The following DLC1 variants were observed in gnomAD, a reference collection of about 807,000 sequenced individuals.
DLC1 encodes the protein rho GTPase-activating protein 7.
Under a neutral mutation model 140.3 loss-of-function variants are expected in DLC1, and 54 were observed. The ratio of observed to expected loss-of-function variants is 0.38; its 90% confidence interval spans 0.31 to 0.48. The LOEUF (loss-of-function observed/expected upper bound fraction) is 0.48. Among genes scored for constraint, DLC1 ranks in the 20% least tolerant of loss-of-function variants. The probability of loss-of-function intolerance (pLI) is 0.96; values close to 1 mark genes in which losing one functional copy is unlikely to be tolerated. For synonymous variants in DLC1, 986 were observed against 728.1 expected, an observed-to-expected ratio of 1.35 and a Z score of -5.70; for missense variants, 2,536 against 1,907.0, an observed-to-expected ratio of 1.33 and a Z score of -6.14.
At chr8:13,120,352 A>ATATATAT (rs199638260) in intron 5 of DLC1, among the ~76,000 whole-genome samples, 2 of 26,508 alleles carry the variant, frequency 7.5e-5, no homozygotes, top group African/African-American at 1.0e-4. Flanking sequence ...CAAAAAAAAA[A>ATATATAT]AAAAATATAT....
intron 1 of DLC1, among the ~76,000 whole-genome samples, chr8:13,595,020 GAA>G (rs561713576): frequency 6.8e-6 from 1 of 145,994 alleles, no homozygotes. Context: ...ATTGTTGTGA[GAA>G]AAAAAAAAGT....
At chr8:13,589,682 A>G (rs75824081) in intron 1 of DLC1, among the ~76,000 whole-genome samples, 2,633 of 96,776 alleles carry the variant, frequency 0.027, 84 homozygotes, top group East Asian at 0.21. Context: ...TCTATATAGA[A>G]TGCTCTGTTT....
chr8:13,508,696 G>A (rs1802223916), intron 1 of DLC1, among the ~76,000 whole-genome samples: 1 of 152,210 alleles, frequency 6.6e-6, no homozygotes, highest in African/African-American at 2.4e-5. Context: ...GGGATTACAG[G>A]CGTGAGCCAC....
intron 5 of DLC1, among the ~76,000 whole-genome samples, chr8:13,293,597 G>A (rs1457144248): frequency 2.0e-5 from 3 of 152,136 alleles, no homozygotes; most frequent in Non-Finnish European, 4.4e-5. Context: ...CATGCGGGGT[G>A]ACAAAAAACG....
At chr8:13,545,267 A>G (rs1803614133) in intron 1 of DLC1, among the ~76,000 whole-genome samples, 1 of 151,300 alleles carries the variant, frequency 6.6e-6, no homozygotes, top group Non-Finnish European at 1.5e-5. Flanking sequence ...ATGGAAAGGT[A>G]ATAGGGAGAG....
chr8:13,387,932 A>C (rs984397254), intron 4 of DLC1, among the ~76,000 whole-genome samples: 2 of 151,986 alleles, frequency 1.3e-5, no homozygotes, highest in African/African-American at 4.8e-5. Flanking sequence ...CTTCATGGGG[A>C]TTTGCACAGT....
At chr8:13,239,793 T>C (rs1383650645) in intron 5 of DLC1, among the ~76,000 whole-genome samples, 1 of 152,166 alleles carries the variant, frequency 6.6e-6, no homozygotes, top group Admixed American at 6.5e-5. Context: ...TGTCAAAATA[T>C]TGACTCCGGC....
chr8:13,110,610 G>T, intron 7 of DLC1, 132 bp downstream of exon 7: 1 of 808,156 alleles, frequency 1.2e-6, no homozygotes, highest in Non-Finnish European at 2.0e-6. Context: ...AAAGGTCTAT[G>T]ATCACTCTAT....
At chr8:13,348,953 G>A (rs1045642311) in intron 4 of DLC1, among the ~76,000 whole-genome samples, 2 of 152,150 alleles carry the variant, frequency 1.3e-5, no homozygotes, top group African/African-American at 4.8e-5. Flanking sequence ...AGAAATTGGA[G>A]GCAGCAGCCG....
intron 5 of DLC1, among the ~76,000 whole-genome samples, chr8:13,122,196 C>T (rs1004726761): frequency 4.6e-5 from 7 of 152,110 alleles, no homozygotes; most frequent in African/African-American, 1.7e-4. Flanking sequence ...AGTGACTTTC[C>T]ACCGCCTTTC....
intron 4 of DLC1, among the ~76,000 whole-genome samples, chr8:13,365,414 G>A (rs1250759485): frequency 6.6e-6 from 1 of 152,118 alleles, no homozygotes; most frequent in East Asian, 1.9e-4. Flanking sequence ...CAATTCACTT[G>A]CAGATACTAT....
chr8:13,293,377 TTATA>T (rs1387364556), intron 5 of DLC1, among the ~76,000 whole-genome samples: 1 of 152,126 alleles, frequency 6.6e-6, no homozygotes, highest in Non-Finnish European at 1.5e-5. Flanking sequence ...TGGCACTGAT[TTATA>T]AGAGTGAGGC....
At position 13,099,999 on chromosome 8, in the gene DLC1, C is replaced by G; in HGVS notation, c.2338G>C (p.Asp780His). ...TTAAATGTTGACTGATTGAAAGGAT[C>G]GAAGCCCTCTAAGTACATGCCCACC... ...KRVGMYLEGF[D>H]PFNQSTFNNV... Residue 780 changes from aspartate to histidine, a missense_variant, in exon 9 of 18, where the codon GAT becomes CAT. Coordinates refer to ENST00000276297, the MANE Select transcript of DLC1 (RefSeq NM_182643.3). 2.5e-6 allele frequency: 4 copies of G among 1,612,428 alleles called. No homozygotes were observed. The highest frequency in any genetic ancestry group is 2.5e-6 in the Non-Finnish European group (3 of 1,180,036).
chr8:13,394,544 G>C (rs1259895076), intron 3 of DLC1, among the ~76,000 whole-genome samples: 1 of 152,176 alleles, frequency 6.6e-6, no homozygotes, highest in African/African-American at 2.4e-5. Flanking sequence ...TGGTTGCACA[G>C]AGGAAAGGTG....
intron 1 of DLC1, among the ~76,000 whole-genome samples, chr8:13,544,187 CACACACACAA>C (rs1295517419): frequency 7.4e-6 from 1 of 134,902 alleles, no homozygotes; most frequent in Non-Finnish European, 1.6e-5. Flanking sequence ...TTCTCTCTTA[CACACACACAA>C]ACACACACAC....
chr8:13,557,035 G>A (rs1804072679), intron 1 of DLC1, among the ~76,000 whole-genome samples: 2 of 152,070 alleles, frequency 1.3e-5, no homozygotes, highest in Admixed American at 1.3e-4. Context: ...CATATTCAGG[G>A]GTCTGAAGGG....
rs114842947 is a variant in DLC1, at chr8:13,544,882, T to C, written c.-125-44686A>G. Among the ~76,000 whole-genome samples, 579 of 152,282 alleles carry C rather than the reference T, an allele frequency of 3.8e-3. 4 individuals carry two copies. The highest frequency in any genetic ancestry group is 0.013 in the African/African-American group (558 of 41,562). ...TATAATGCTGCTTAAATAAAGAATTTGATCTATCCGTGAACAGTTACCACT... is the reference window on the plus strand; with the variant it reads ...TATAATGCTGCTTAAATAAAGAATTCGATCTATCCGTGAACAGTTACCACT... On this transcript the variant is annotated intron_variant, in intron 1 of 1. Transcript: ENST00000631382.
chr8:13,211,465 A>C (rs1827940254), intron 5 of DLC1, among the ~76,000 whole-genome samples: 1 of 152,172 alleles, frequency 6.6e-6, no homozygotes, highest in Admixed American at 6.5e-5. Flanking sequence ...TCACACTTGC[A>C]TTCTCTCCTG....
At chr8:13,158,485 A>C (rs1030830660) in intron 5 of DLC1, among the ~76,000 whole-genome samples, 1 of 152,210 alleles carries the variant, frequency 6.6e-6, no homozygotes, top group Non-Finnish European at 1.5e-5. Flanking sequence ...CTTGTTAGAC[A>C]AGGCTGGCGA....
Sources: allele counts gnomAD v4.1 joint callset (sites outside exome capture counted in the v4.1 genomes callset), GRCh38; gene constraint gnomAD v4.1.1; transcripts MANE v1.5; gene names NCBI Gene and HGNC (gene_info 2026-07-23, HGNC 2026-07-21).